The following EFNA4 variants were observed in gnomAD, a reference collection of about 807,000 sequenced individuals.
EFNA4 encodes the protein ephrin-A4.
Under a neutral mutation model 23.7 loss-of-function variants are expected in EFNA4, and 22 were observed. That is an observed-to-expected ratio of 0.93 (90% CI 0.66 to 1.32). The LOEUF (loss-of-function observed/expected upper bound fraction) is 1.32. Ranked by LOEUF, EFNA4 falls within the 40% of genes most tolerant of loss-of-function variation. The probability of loss-of-function intolerance (pLI) is 0.00; values close to 1 mark genes in which losing one functional copy is unlikely to be tolerated. For synonymous variants in EFNA4, 113 were observed against 108.3 expected (o/e 1.04, Z -0.27); for missense variants, 252 against 252.3 (o/e 1.00, Z 0.01).
chr1:155,065,097 A>G (rs1662977100), intron 1 of EFNA4, among the ~76,000 whole-genome samples: 1 of 152,172 alleles, frequency 6.6e-6, no homozygotes. Flanking sequence ...TCAATCCACA[A>G]ATATTTATTG....
At chr1:155,068,371 T>G (rs1663100554) in intron 3 of EFNA4, among the ~76,000 whole-genome samples, 1 of 145,552 alleles carries the variant, frequency 6.9e-6, no homozygotes, top group Non-Finnish European at 1.5e-5. Context: ...GTGCAAGCAA[T>G]TCTCCTGCCT....
chr1:155,063,953 G>T lies in EFNA4; in HGVS notation c.113+17G>T. ...TAACCCCAGGTAGCCGGGCCGAACC[G>T]GGCGAGCGCACAGCCAAGTCTGCGC... On this transcript the variant is annotated intron_variant, in intron 1 of 3. Transcript: ENST00000368409. This position sits in a 1 kb window ranked among gnomAD's most constrained non-coding sequence, Gnocchi z 4.1. 3.9e-6 allele frequency: 6 copies of T among 1,530,482 alleles called. No individual in the cohort carries two copies. The highest frequency in any genetic ancestry group is 2.6e-5 in the East Asian group (1 of 37,750). The allele number at this position is 1,530,482 out of a possible 1,614,324, so 94.8% of individuals were successfully genotyped here.
chr1:155,065,193 C>T (rs114973352), intron 1 of EFNA4, among the ~76,000 whole-genome samples: 2 of 152,228 alleles, frequency 1.3e-5, no homozygotes, highest in African/African-American at 2.4e-5. Context: ...GCTCAGCTTG[C>T]GTTCTAGTAA....
chr1:155,069,393 CT>C lies in EFNA4; in HGVS notation c.*408del. 1 of 539,418 alleles carries C rather than the reference CT, an allele frequency of 1.9e-6. No homozygotes were observed. Among genetic ancestry groups the C allele is most frequent in the Non-Finnish European group, 3.2e-6 (1 of 315,772 alleles). 33.4% of individuals were successfully genotyped at this position (539,418 alleles called of 1,614,324 possible). ...GCCCTGCCATCTGTGCCCTGTGGGC[CT>C]TTTCCCTGGGGCAGCACCTTGCCCT... is the stretch of plus-strand genomic sequence containing the variant. On this transcript the variant is annotated 3_prime_UTR_variant, in exon 4 of 4. Coordinates refer to ENST00000368409, the MANE Select transcript of EFNA4 (RefSeq NM_005227.3).
intron 1 of EFNA4, 42 bp from the exon 2 acceptor site, chr1:155,066,688 G>T: frequency 2.0e-6 from 3 of 1,525,334 alleles, no homozygotes; most frequent in Non-Finnish European, 2.6e-6. Flanking sequence ...CCATGGCGTG[G>T]TGCCCTCCAC....
chr1:155,063,947 C>G lies in EFNA4; in HGVS notation c.113+11C>G, dbSNP rs749923988. On this transcript the variant is annotated intron_variant, in intron 1 of 3. Transcript: ENST00000368409. This position sits in a 1 kb window ranked among gnomAD's most constrained non-coding sequence, Gnocchi z 4.1. ...CTCCAGTAACCCCAGGTAGCCGGGC[C>G]GAACCGGGCGAGCGCACAGCCAAGT... The G allele has an allele frequency of 1.4e-5, 22 of 1,536,080 alleles. No homozygotes were observed. The highest frequency in any genetic ancestry group is 1.9e-5 in the Non-Finnish European group (22 of 1,142,410).
In EFNA4 at chr1:155,066,896, T is replaced by G. The variant is rs1286500741; in HGVS notation, c.280T>G (p.Tyr94Asp). ...ESCQAEGPRA[Y>D]KRWVCSLPFG... is the part of the protein sequence containing the mutation. Reference sequence around the variant, plus strand: ...CTGCCAGGCAGAGGGCCCCCGGGCCTACAAGCGCTGGGTGTGCTCCCTGCC... The same window carrying G: ...CTGCCAGGCAGAGGGCCCCCGGGCCGACAAGCGCTGGGTGTGCTCCCTGCC... The change falls in exon 2 of 4, where the codon TAC (tyrosine) becomes GAC (aspartate). Residue 94 changes from tyrosine (Y) to aspartate (D), a missense_variant. Transcript: ENST00000368409. 8.7e-6 allele frequency: 14 copies of G among 1,614,166 alleles called. No homozygotes were observed. Among genetic ancestry groups the G allele is most frequent in the Non-Finnish European group, 1.2e-5 (14 of 1,180,046 alleles).
Position 155,063,916 on chromosome 1 carries a change from C to G in EFNA4, c.93C>G (p.Tyr31Ter). Residue 31 changes from tyrosine (Y) to a stop codon, truncating the protein, a stop_gained, in exon 1 of 4, where the codon TAC becomes TAG. Coordinates refer to ENST00000368409, the MANE Select transcript of EFNA4 (RefSeq NM_005227.3). LOFTEE classifies it high-confidence loss of function. This position sits in a 1 kb window ranked among gnomAD's most constrained non-coding sequence, Gnocchi z 4.1. Reference sequence around the variant, plus strand: ...GCTCCAGCCTCCGCCACGTAGTCTACTGGAACTCCAGTAACCCCAGGTAGC... The same window carrying G: ...GCTCCAGCCTCCGCCACGTAGTCTAGTGGAACTCCAGTAACCCCAGGTAGC... ...RGGSSLRHVV[Y>*]WNSSNPRLLR... 6.4e-7 allele frequency: 1 copy of G among 1,567,216 alleles called. No homozygotes were observed. Among genetic ancestry groups the G allele is most frequent in the Non-Finnish European group, 8.6e-7 (1 of 1,158,202 alleles).
intron 1 of EFNA4, among the ~76,000 whole-genome samples, chr1:155,066,037 A>C (rs991349425): frequency 6.6e-6 from 1 of 151,356 alleles, no homozygotes; most frequent in Non-Finnish European, 1.5e-5. Context: ...CGCCCAGCCT[A>C]TTTATTTATT....
intron 2 of EFNA4, 107 bp downstream of exon 2, chr1:155,067,123 G>C: frequency 7.3e-7 from 1 of 1,367,058 alleles, no homozygotes; most frequent in Non-Finnish European, 1.0e-6. Context: ...TGTACATCGG[G>C]TTGAGGTATG....
Position 155,069,183 on chromosome 1 carries a change from G to A in EFNA4, c.*194G>A. On this transcript the variant is annotated 3_prime_UTR_variant, in exon 4 of 4. Transcript: ENST00000368409. ...CCTCATCACAGGCTAAAGAAGAGCA[G>A]TAGACAGCCCTGGACACTCTGAAGC... 1 of 1,600,892 alleles carries A rather than the reference G, an allele frequency of 6.2e-7. No homozygotes were observed. Among genetic ancestry groups the A allele is most frequent in the Non-Finnish European group, 8.5e-7 (1 of 1,176,350 alleles).
At chr1:155,066,373 C>A (rs567668812) in intron 1 of EFNA4, among the ~76,000 whole-genome samples, 1 of 152,324 alleles carries the variant, frequency 6.6e-6, no homozygotes, top group East Asian at 1.9e-4. Context: ...TGACATTGAT[C>A]AAGCCTGGTG....
chr1:155,067,471 G>A, intron 3 of EFNA4, 31 bp downstream of exon 3: 1 of 1,611,734 alleles, frequency 6.2e-7, no homozygotes, highest in Non-Finnish European at 8.5e-7. Flanking sequence ...GACCCTACTG[G>A]CTAATGTGGG....
chr1:155,064,180 TGGAGCATGGAGCTGGGGGG>T (rs1662921168), intron 1 of EFNA4, among the ~76,000 whole-genome samples: 1 of 152,204 alleles, frequency 6.6e-6, no homozygotes, highest in African/African-American at 2.4e-5. Flanking sequence ...TAGGGGGTCT[TGGAGCATGGAGCTGGGGGG>T]GCCTTTGCCC....
Position 155,068,951 on chromosome 1 carries a change from C to G in EFNA4, c.568C>G (p.Leu190Val). The G allele has an allele frequency of 1.2e-6, 2 of 1,614,094 alleles. No homozygotes were observed. Among genetic ancestry groups the G allele is most frequent in the Non-Finnish European group, 1.7e-6 (2 of 1,179,990 alleles). ...CAGCCCCCTCTGTCTCTTGCTATTA[C>G]TGCTGCTTCTGATTCTTCGTCTTCT... Reference protein sequence around the residue: ...TPSPLCLLLLLLLLILRLLRI... With the variant: ...TPSPLCLLLLVLLLILRLLRI... The change falls in exon 4 of 4, where the codon CTG (leucine) becomes GTG (valine). Residue 190 changes from leucine (L) to valine (V), a missense_variant. Transcript: ENST00000368409.
chr1:155,067,739 A>C (rs1663085815), intron 3 of EFNA4, among the ~76,000 whole-genome samples: 1 of 151,796 alleles, frequency 6.6e-6, no homozygotes, highest in Non-Finnish European at 1.5e-5. Context: ...CTCCTGCCTC[A>C]GCCTCCGGAG....
chr1:155,065,893 C>T (rs543534816), intron 1 of EFNA4, among the ~76,000 whole-genome samples: 7 of 151,986 alleles, frequency 4.6e-5, no homozygotes, highest in South Asian at 4.1e-4. Context: ...CCACCACGCC[C>T]GGCTAGTTTT....
intron 3 of EFNA4, among the ~76,000 whole-genome samples, chr1:155,067,925 C>G (rs368528044): frequency 6.3e-4 from 95 of 150,426 alleles, no homozygotes; most frequent in African/African-American, 2.1e-3. Context: ...CCAGCTCCCC[C>G]ACTTCTTTTT....
At chr1:155,066,505 T>C (rs1408819423) in intron 1 of EFNA4, among the ~76,000 whole-genome samples, 1 of 152,220 alleles carries the variant, frequency 6.6e-6, no homozygotes, top group Non-Finnish European at 1.5e-5. Flanking sequence ...GCACTGCAGG[T>C]CTTAGCCTCT....
Sources: allele counts gnomAD v4.1 joint callset (sites outside exome capture counted in the v4.1 genomes callset), GRCh38; gene constraint gnomAD v4.1.1; non-coding constraint Gnocchi (gnomAD v3.1); transcripts MANE v1.5; gene names NCBI Gene and HGNC (gene_info 2026-07-23, HGNC 2026-07-21).